The following ARHGAP39 variants were observed in gnomAD, a reference collection of about 807,000 sequenced individuals.
ARHGAP39 encodes rho GTPase-activating protein 39.
ARHGAP39 carries 44 observed loss-of-function variants against 106.9 expected under a neutral mutation model. The ratio of observed to expected loss-of-function variants is 0.41; its 90% CI spans 0.32 to 0.53. The LOEUF (loss-of-function observed/expected upper bound fraction) is 0.53. ARHGAP39 is among the 20% of genes least tolerant of loss of function. ARHGAP39 has a pLI of 0.21. For missense variants in ARHGAP39, 1,496 were observed against 1,577.3 expected (o/e 0.95, Z 0.87); for synonymous variants, 768 against 693.2 (o/e 1.11, Z -1.69).
chr8:144,682,803 G>C (rs1286805015), intron 1 of ARHGAP39, among the ~76,000 whole-genome samples: 1 of 152,262 alleles, frequency 6.6e-6, no homozygotes, highest in East Asian at 1.9e-4. Flanking sequence ...TTGAGCTCAG[G>C]AGTTTGAGAC....
At chr8:144,566,969 A>G (rs1466152466) in intron 3 of ARHGAP39, among the ~76,000 whole-genome samples, 1 of 152,210 alleles carries the variant, frequency 6.6e-6, no homozygotes, top group African/African-American at 2.4e-5. Flanking sequence ...AAGCCAGAAG[A>G]CAATGAAGTG....
intron 1 of ARHGAP39, among the ~76,000 whole-genome samples, chr8:144,629,719 T>G: frequency 6.6e-6 from 1 of 152,042 alleles, no homozygotes; most frequent in East Asian, 1.9e-4. Flanking sequence ...GCCAGACCTG[T>G]GCTGGCAGAG....
Position 144,668,866 on chromosome 8 carries a change from A to G in ARHGAP39, c.-82+16820T>C, listed in dbSNP as rs141072851. On this transcript the variant is annotated intron_variant, in intron 1 of 11. Transcript: ENST00000377307. ...ATTCAAGGGATCCACCAGGATAGCC[A>G]AAACAATCTTGAAAAAGAACAAAAT... Among the ~76,000 whole-genome samples, 694 of 152,340 alleles carry G rather than the reference A, an allele frequency of 4.6e-3. 5 individuals carry two copies. Among genetic ancestry groups the G allele is most frequent in the Middle Eastern group, 0.031 (9 of 294 alleles).
chr8:144,607,922 C>T (rs974499609), intron 1 of ARHGAP39, among the ~76,000 whole-genome samples: 7 of 151,986 alleles, frequency 4.6e-5, no homozygotes, highest in East Asian at 3.9e-4. Context: ...TTTGGGAGGC[C>T]GAGGCGGGTG....
chr8:144,684,821 TGCCGCAGAGGCGAG>T lies in ARHGAP39; in HGVS notation c.-82+851_-82+864del, dbSNP rs1291683311. 6.6e-6 allele frequency among the ~76,000 whole-genome samples: 1 copy of T among 152,110 alleles called. No individual in the cohort carries two copies. Among genetic ancestry groups the T allele is most frequent in the African/African-American group, 2.4e-5 (1 of 41,420 alleles). On this transcript the variant is annotated intron_variant, in intron 1 of 11. Coordinates refer to ENST00000377307, the MANE Select transcript of ARHGAP39 (RefSeq NM_025251.3). This position sits in a 1 kb window ranked among gnomAD's most constrained non-coding sequence, Gnocchi z 4.4. Reference sequence around the variant, plus strand: ...GAGCGCCGGAGCCCCAGCCCGCGCCTGCCGCAGAGGCGAGGCCGCAGAGCCCACCCGCAGGCGGC... The same window carrying T: ...GAGCGCCGGAGCCCCAGCCCGCGCCTGCCGCAGAGCCCACCCGCAGGCGGC...
At chr8:144,582,736 G>C (rs996504658) in intron 2 of ARHGAP39, among the ~76,000 whole-genome samples, 1 of 152,118 alleles carries the variant, frequency 6.6e-6, no homozygotes, top group East Asian at 1.9e-4. Context: ...CACCACAGTG[G>C]TGCACTCAGA....
intron 1 of ARHGAP39, among the ~76,000 whole-genome samples, chr8:144,658,499 T>G (rs1225380728): frequency 6.6e-6 from 1 of 152,212 alleles, no homozygotes; most frequent in African/African-American, 2.4e-5. Context: ...GGTCTCTAGC[T>G]CCTGACCTCA....
chr8:144,681,482 C>A (rs571019782), intron 1 of ARHGAP39, among the ~76,000 whole-genome samples: 1 of 152,138 alleles, frequency 6.6e-6, no homozygotes, highest in Non-Finnish European at 1.5e-5. Context: ...CTTGAGTCAA[C>A]GAAGAGGCAC....
At chr8:144,562,511 C>A (rs1818229554) in intron 3 of ARHGAP39, among the ~76,000 whole-genome samples, 2 of 150,798 alleles carry the variant, frequency 1.3e-5, no homozygotes, top group South Asian at 4.2e-4. Context: ...ATCGGACTCA[C>A]TCCAGTGGTT....
rs771247754 is a variant in ARHGAP39, at chr8:144,545,745, G to A, written c.2025C>T (p.Ser675=). 1 of 1,610,574 alleles carries A rather than the reference G, an allele frequency of 6.2e-7. No homozygotes were observed. The highest frequency in any genetic ancestry group is 1.1e-5 in the South Asian group (1 of 91,034). The part of the protein sequence containing the change: ...SSRQSRSGVP[S]SSCVFPTFTL... ...TGAAAGTGGGGAAGACGCAGCTGGA[G>A]CTGGGAACGCCGCTGCGGCTCTGCC... Residue 675 remains serine, a synonymous_variant, in exon 6 of 12, where the codon AGC becomes AGT. Transcript: ENST00000377307.
chr8:144,538,940 CA>C (rs1445091361), intron 6 of ARHGAP39, among the ~76,000 whole-genome samples: 1 of 151,248 alleles, frequency 6.6e-6, no homozygotes, highest in East Asian at 1.9e-4. Flanking sequence ...CAACTTGCTC[CA>C]GCCTTGGCCA....
chr8:144,574,295 G>T (rs1818691047), intron 3 of ARHGAP39, among the ~76,000 whole-genome samples: 1 of 152,188 alleles, frequency 6.6e-6, no homozygotes, highest in Admixed American at 6.5e-5. Context: ...AGCATTTTAG[G>T]AGGCCGAGGT....
chr8:144,681,312 A>AGTCCAGCTCTGCGAGGGAGTCT (rs910699837), intron 1 of ARHGAP39, among the ~76,000 whole-genome samples: 6 of 152,182 alleles, frequency 3.9e-5, no homozygotes, highest in African/African-American at 7.2e-5. Context: ...CAGGCAGGGT[A>AGTCCAGCTCTGCGAGGGAGTCT]GTCCAGCTCT....
chr8:144,659,814 C>T (rs1821780538), intron 1 of ARHGAP39, among the ~76,000 whole-genome samples: 1 of 152,138 alleles, frequency 6.6e-6, no homozygotes, highest in Non-Finnish European at 1.5e-5. Flanking sequence ...TATTCAAGCC[C>T]CACTCTAACT....
At chr8:144,559,771 A>C (rs955336501) in intron 3 of ARHGAP39, among the ~76,000 whole-genome samples, 4 of 152,236 alleles carry the variant, frequency 2.6e-5, no homozygotes. Flanking sequence ...TGGGAGTAGG[A>C]CCCAAGTCTA....
chr8:144,629,317 T>C (rs1191591135), intron 1 of ARHGAP39, among the ~76,000 whole-genome samples: 2 of 152,000 alleles, frequency 1.3e-5, no homozygotes, highest in South Asian at 2.1e-4. Context: ...CCGCAGGCTC[T>C]AGCGGGCCGA....
rs368831025 is a variant in ARHGAP39 at position 144,537,818 on chromosome 8, G to C, written c.2522-5C>G. ...GCTCTTTTATGTGCTGTGTCACTGG[G>C]GAGCAAAGACAACCATCAGCACGAC... On this transcript the variant is annotated splice_polypyrimidine_tract_variant and splice_region_variant and intron_variant, in intron 6 of 11. Transcript: ENST00000377307. 1.9e-6 allele frequency: 3 copies of C among 1,613,524 alleles called. No homozygotes were observed. The highest frequency in any genetic ancestry group is 2.5e-6 in the Non-Finnish European group (3 of 1,179,630).
chr8:144,548,240 T>C lies in ARHGAP39; in HGVS notation c.846A>G (p.Pro282=), dbSNP rs1369027812. ...PSPFLKRAEL[P]GSSSPLLAQP... ...GGGCCAGCAGCGGGGAGCTGCTCCC[T>C]GGGAGCTCGGCCCTCTTCAGGAAGG... is the stretch of plus-strand genomic sequence containing the variant. Residue 282 remains proline (P), a synonymous_variant, in exon 5 of 12, where the codon CCA becomes CCG. Transcript: ENST00000377307. The surrounding 1 kb of genome is among the most constrained non-coding windows in gnomAD (Gnocchi z 7.4). 29 of 1,608,408 alleles carry C rather than the reference T, an allele frequency of 1.8e-5. No individual in the cohort carries two copies. Among genetic ancestry groups the C allele is most frequent in the Non-Finnish European group, 2.5e-5 (29 of 1,177,378 alleles).
chr8:144,530,476 G>A lies in ARHGAP39; in HGVS notation c.3291C>T (p.Phe1097=), dbSNP rs760895752. The A allele has an allele frequency of 1.1e-5, 18 of 1,611,510 alleles. No homozygotes were observed. Among genetic ancestry groups the A allele is most frequent in the Middle Eastern group, 1.6e-4 (1 of 6,082 alleles). ...CCAGGTGCTGGATGAGCACCCGCAG[G>A]AAGGACATCTCCTTGCGGGTGTTCT... is the stretch of plus-strand genomic sequence containing the variant. ...IFENTRKEMS[F]LRVLIQHLDT... The change falls in exon 12 of 12, where the codon TTC becomes TTT. Residue 1097 remains phenylalanine, a synonymous_variant. Coordinates refer to ENST00000377307, the MANE Select transcript of ARHGAP39 (RefSeq NM_025251.3).
Sources: gnomAD v4.1 joint callset for allele counts (sites outside exome capture counted in the v4.1 genomes callset) on GRCh38, gnomAD v4.1.1 for gene constraint, Gnocchi (gnomAD v3.1) non-coding constraint, MANE v1.5 for transcripts, NCBI Gene and HGNC (gene_info 2026-07-23, HGNC 2026-07-21) for gene names.